Variants in GALNTL6 observed in about 807,000 individuals in gnomAD.
GALNTL6 encodes the protein polypeptide N-acetylgalactosaminyltransferase-like 6.
In GALNTL6, 46 loss-of-function variants were observed where a neutral mutation model predicts 73.7. The observed-to-expected ratio is 0.62, with a 90% CI of 0.49 to 0.80. The LOEUF (loss-of-function observed/expected upper bound fraction) is 0.80. Among genes scored for constraint, GALNTL6 ranks in the 30% least tolerant of loss-of-function variants. The pLI is 0.00. For missense variants in GALNTL6, 604 were observed against 755.0 expected (o/e 0.80, Z 2.34); for synonymous variants, 259 against 263.7 (o/e 0.98, Z 0.17).
chr4:172,480,926 G>C (rs1733435614), intron 5 of GALNTL6, among the ~76,000 whole-genome samples: 1 of 152,260 alleles, frequency 6.6e-6, no homozygotes, highest in African/African-American at 2.4e-5. Context: ...AATGCCCCTT[G>C]GGCCTGGACT....
intron 9 of GALNTL6, among the ~76,000 whole-genome samples, chr4:172,935,644 C>A (rs1358427594): frequency 6.6e-6 from 1 of 152,266 alleles, no homozygotes; most frequent in South Asian, 2.1e-4. Flanking sequence ...TCAGCTAATA[C>A]TATAAACACC....
chr4:172,728,004 C>G (rs904621552), intron 5 of GALNTL6, among the ~76,000 whole-genome samples: 14 of 152,034 alleles, frequency 9.2e-5, no homozygotes, highest in African/African-American at 3.1e-4. Flanking sequence ...CCTCCGCCTC[C>G]TGGGTTCAAG....
intron 2 of GALNTL6, among the ~76,000 whole-genome samples, chr4:171,983,240 TA>T (rs1739962478): frequency 6.6e-6 from 1 of 152,186 alleles, no homozygotes; most frequent in Non-Finnish European, 1.5e-5. Context: ...AGAGTGCTCT[TA>T]TTTTGAGGGG....
At chr4:173,019,426 T>C (rs973324008) in intron 11 of GALNTL6, among the ~76,000 whole-genome samples, 2 of 152,056 alleles carry the variant, frequency 1.3e-5, no homozygotes, top group Admixed American at 1.3e-4. Flanking sequence ...GAGAGATGCA[T>C]GAAAGAGAGG....
intron 2 of GALNTL6, among the ~76,000 whole-genome samples, chr4:171,918,046 C>A (rs1448287912): frequency 6.6e-6 from 1 of 152,016 alleles, no homozygotes; most frequent in Non-Finnish European, 1.5e-5. Context: ...TCTGTCAAGT[C>A]ATAGAACAGT....
In GALNTL6 at chr4:171,905,336, G is replaced by T. The variant is rs200187968; in HGVS notation, c.138+90618G>T. ...AAATGGAAAACTAAAAAAGGCAGGG[G>T]TTGCAATCCTAGTCTCTGATAAAAC... On this transcript the variant is annotated intron_variant, in intron 2 of 12. Transcript: ENST00000506823. 7.6e-3 allele frequency among the ~76,000 whole-genome samples: 1,160 copies of T among 152,118 alleles called. 21 individuals are homozygous for T. The East Asian group carries it at 0.091, about 12-fold the overall frequency.
At chr4:172,829,528 T>C (rs1186939740) in intron 7 of GALNTL6, among the ~76,000 whole-genome samples, 1 of 152,214 alleles carries the variant, frequency 6.6e-6, no homozygotes, top group African/African-American at 2.4e-5. Flanking sequence ...AGATTCCTCT[T>C]GCCTCTAGAA....
intron 2 of GALNTL6, among the ~76,000 whole-genome samples, chr4:172,018,789 T>C (rs1741298548): frequency 6.6e-6 from 1 of 152,124 alleles, no homozygotes; most frequent in Non-Finnish European, 1.5e-5. Flanking sequence ...AAATTTAGTT[T>C]GAAGCTGCTT....
intron 8 of GALNTL6, among the ~76,000 whole-genome samples, chr4:172,891,208 G>A (rs943310092): frequency 6.6e-6 from 1 of 151,634 alleles, no homozygotes; most frequent in Non-Finnish European, 1.5e-5. Context: ...CTGTCATGGT[G>A]TCAATGGCTG....
intron 8 of GALNTL6, among the ~76,000 whole-genome samples, chr4:172,909,002 CAT>C (rs1747057621): frequency 6.6e-6 from 1 of 151,462 alleles, no homozygotes; most frequent in Non-Finnish European, 1.5e-5. Context: ...TAATAAAATA[CAT>C]AATAAAACTA....
At chr4:171,902,261 G>T (rs570340175) in intron 2 of GALNTL6, among the ~76,000 whole-genome samples, 46 of 152,270 alleles carry the variant, frequency 3.0e-4, no homozygotes, top group African/African-American at 1.1e-3. Flanking sequence ...TCAGGAGGTT[G>T]TAAAAAAAGA....
intron 5 of GALNTL6, among the ~76,000 whole-genome samples, chr4:172,385,950 A>T (rs1244515537): frequency 6.6e-6 from 1 of 152,052 alleles, no homozygotes. Flanking sequence ...TTATAGTAGA[A>T]ATTACAATTA....
intron 2 of GALNTL6, among the ~76,000 whole-genome samples, chr4:171,934,748 G>A (rs886413459): frequency 6.6e-6 from 1 of 152,140 alleles, no homozygotes; most frequent in African/African-American, 2.4e-5. Context: ...CACTAACGAA[G>A]TGGTTCATTT....
At chr4:171,886,228 CA>C (rs1291870160) in intron 2 of GALNTL6, among the ~76,000 whole-genome samples, 1 of 151,826 alleles carries the variant, frequency 6.6e-6, no homozygotes, top group African/African-American at 2.4e-5. Flanking sequence ...AAGGCAAACT[CA>C]AAAAAAGCAT....
chr4:172,860,419 C>A (rs1178884232), intron 7 of GALNTL6, among the ~76,000 whole-genome samples: 1 of 152,108 alleles, frequency 6.6e-6, no homozygotes, highest in Non-Finnish European at 1.5e-5. Context: ...CCAAAACTGG[C>A]AAGTTTAAGA....
At chr4:172,083,136 G>C (rs1731929163) in intron 2 of GALNTL6, among the ~76,000 whole-genome samples, 1 of 152,042 alleles carries the variant, frequency 6.6e-6, no homozygotes. Flanking sequence ...TGTTGGTTCT[G>C]TCTTAAAAAT....
intron 2 of GALNTL6, among the ~76,000 whole-genome samples, chr4:171,871,130 A>T (rs1736122884): frequency 6.6e-6 from 1 of 152,194 alleles, no homozygotes; most frequent in African/African-American, 2.4e-5. Context: ...ACAGGTAAAT[A>T]CAGTAGTCCC....
At chr4:172,464,758 T>C (rs1732747834) in intron 5 of GALNTL6, among the ~76,000 whole-genome samples, 1 of 152,036 alleles carries the variant, frequency 6.6e-6, no homozygotes, top group South Asian at 2.1e-4. Context: ...GAAATTTCTT[T>C]AAGTTATATT....
At chr4:172,549,861 A>G (rs1451716203) in intron 5 of GALNTL6, among the ~76,000 whole-genome samples, 1 of 152,170 alleles carries the variant, frequency 6.6e-6, no homozygotes, top group Admixed American at 6.5e-5. Flanking sequence ...TTCAACAAGC[A>G]TTCTGCCAGC....
Sources: allele counts gnomAD v4.1 joint callset (sites outside exome capture counted in the v4.1 genomes callset), GRCh38; gene constraint gnomAD v4.1.1; transcripts MANE v1.5; gene names NCBI Gene and HGNC (gene_info 2026-07-23, HGNC 2026-07-21).